MEAF6: variants seen among roughly 807,000 people sequenced by gnomAD.
The protein encoded by MEAF6 is MYST/Esa1 associated factor 6.
In MEAF6, 15 loss-of-function variants were observed where a neutral mutation model predicts 28.9. The observed-to-expected ratio is 0.52, with a 90% CI of 0.35 to 0.80. MEAF6 has a LOEUF of 0.80. MEAF6 is among the 30% of genes least tolerant of loss of function. The pLI is 0.01. For missense variants in MEAF6, 178 were observed against 237.5 expected (o/e 0.75, Z 1.65); for synonymous variants, 97 against 88.7 (o/e 1.09, Z -0.53).
At position 37,491,696 on chromosome 1, in the gene MEAF6, CAATA is replaced by C. The variant is rs57369458; in HGVS notation, c.*2399_*2402del. On this transcript the variant is annotated 3_prime_UTR_variant, in exon 7 of 7. Transcript: ENST00000296214. ...CCTGGGTGACAGAGCAAGATCCTGT[CAATA>C]AATAAATAAATAAATAAATAAATAA... is the stretch of plus-strand genomic sequence containing the variant. Among the ~76,000 whole-genome samples, 147 of 142,536 alleles carry C rather than the reference CAATA, an allele frequency of 1.0e-3. No homozygotes were observed. The highest frequency in any genetic ancestry group is 3.6e-3 in the Middle Eastern group (1 of 280). 93.5% of individuals were successfully genotyped at this position (142,536 alleles called of 152,430 possible).
Position 37,496,394 on chromosome 1 carries a change from T to C in MEAF6, c.534-476A>G, listed in dbSNP as rs1376571020. 3.9e-5 allele frequency among the ~76,000 whole-genome samples: 6 copies of C among 152,070 alleles called. No homozygotes were observed. The East Asian group carries it at 1.2e-3, about 29-fold the overall frequency. ...TTTTAAATCTTTCCAAAGCAAAATATCAAGATCTTAAGCTATTATTCTCCT... is the reference window on the plus strand; with the variant it reads ...TTTTAAATCTTTCCAAAGCAAAATACCAAGATCTTAAGCTATTATTCTCCT... On this transcript the variant is annotated intron_variant, in intron 5 of 6. Transcript: ENST00000296214.
intron 5 of MEAF6, among the ~76,000 whole-genome samples, chr1:37,498,850 T>C (rs1642204721): frequency 6.6e-6 from 1 of 152,126 alleles, no homozygotes; most frequent in South Asian, 2.1e-4. Context: ...TAAAAATTAT[T>C]TGATAAATTT....
rs1188991388 is a variant in MEAF6 at position 37,509,248 on chromosome 1, CTGA to C, written c.340+27_340+29del. 6 of 1,602,308 alleles carry C rather than the reference CTGA, an allele frequency of 3.7e-6. No homozygotes were observed. In the African/African-American group the frequency reaches 8.0e-5, roughly 21 times the overall value. On this transcript the variant is annotated intron_variant, in intron 4 of 6. Transcript: ENST00000296214. ...AGGGTGATGGTAGCTTAAAAATAAA[CTGA>C]TGAGAAACATAAAAACATCAACTTA...
In MEAF6 at chr1:37,496,035, C is replaced by G. The variant is rs557326884; in HGVS notation, c.534-117G>C. On this transcript the variant is annotated intron_variant, in intron 5 of 6. Coordinates refer to ENST00000296214, the MANE Select transcript of MEAF6 (RefSeq NM_001270875.3). ...AGACTATTTGGTTAAGAAAAATCCA[C>G]ATTCTTCATTAGACTATGTCATATT... 1.6e-4 allele frequency: 125 copies of G among 803,730 alleles called. 1 individual carries two copies. Among genetic ancestry groups the G allele is most frequent in the Middle Eastern group, 4.7e-4 (2 of 4,286 alleles). 49.8% of individuals were successfully genotyped at this position (803,730 alleles called of 1,614,324 possible). A position where few individuals can be genotyped will look rare whatever the true frequency, so the allele number is the denominator to read the frequency against.
At chr1:37,513,666 G>A (rs1415813810) in intron 1 of MEAF6, 128 bp from the exon 2 acceptor site, 3 of 741,186 alleles carry the variant, frequency 4.0e-6, no homozygotes, top group Admixed American at 4.1e-5. Context: ...CCTGTGGAGA[G>A]ATGGAAGATA....
intron 2 of MEAF6, among the ~76,000 whole-genome samples, chr1:37,511,400 C>A (rs1642666138): frequency 6.6e-6 from 1 of 152,202 alleles, no homozygotes; most frequent in South Asian, 2.1e-4. Context: ...CACTATTTTA[C>A]AACTTCCAGT....
chr1:37,491,777 C>T lies in MEAF6; in HGVS notation c.*2322G>A, dbSNP rs1247995210. On this transcript the variant is annotated 3_prime_UTR_variant, in exon 7 of 7. Coordinates refer to ENST00000296214, the MANE Select transcript of MEAF6 (RefSeq NM_001270875.3). ...CTTTTTAAGAGCAGTACTATTCTGT[C>T]TCCAGCAATGTCAAACTATGAGAGT... 1.3e-5 allele frequency among the ~76,000 whole-genome samples: 2 copies of T among 151,676 alleles called. No individual in the cohort carries two copies. The highest frequency in any genetic ancestry group is 2.9e-5 in the Non-Finnish European group (2 of 67,982).
rs1295376734 is a variant in MEAF6 at position 37,492,527 on chromosome 1, A to G, written c.*1572T>C. 6.6e-6 allele frequency: 1 copy of G among 150,722 alleles called. No homozygotes were observed. The highest frequency in any genetic ancestry group is 1.5e-5 in the Non-Finnish European group (1 of 67,718). 9.3% of individuals were successfully genotyped at this position (150,722 alleles called of 1,614,324 possible). A position where few individuals can be genotyped will look rare whatever the true frequency, so the allele number is the denominator to read the frequency against. On this transcript the variant is annotated 3_prime_UTR_variant, in exon 7 of 7. Transcript: ENST00000296214. Reference sequence around the variant, plus strand: ...ATCCTGACACTGGAGTTCTGCTACCAAAGACACAGTCAAAGATCTAAATAG... The same window carrying G: ...ATCCTGACACTGGAGTTCTGCTACCGAAGACACAGTCAAAGATCTAAATAG...
chr1:37,502,362 T>C (rs1342864793), intron 4 of MEAF6, among the ~76,000 whole-genome samples: 2 of 151,962 alleles, frequency 1.3e-5, no homozygotes, highest in East Asian at 1.9e-4. Flanking sequence ...AGGCATGAGA[T>C]ACTGTGCCTG....
chr1:37,495,997 T>C (rs1642120691), intron 5 of MEAF6, 79 bp from the exon 6 acceptor site: 2 of 1,155,030 alleles, frequency 1.7e-6, no homozygotes, highest in Non-Finnish European at 2.6e-6. Flanking sequence ...GCATAGGGCA[T>C]AAGCTATAAC....
intron 2 of MEAF6, 124 bp downstream of exon 2, chr1:37,513,299 T>C (rs529263005): frequency 1.9e-5 from 13 of 682,268 alleles, no homozygotes; most frequent in Non-Finnish European, 3.1e-5. Flanking sequence ...AGTCCAAGAG[T>C]TCAAGTCCAG....
At chr1:37,502,590 T>C in intron 4 of MEAF6, among the ~76,000 whole-genome samples, 1 of 150,376 alleles carries the variant, frequency 6.6e-6, no homozygotes, top group Admixed American at 6.7e-5. Flanking sequence ...ACCTTTAAGC[T>C]CTGTTGAACT....
chr1:37,513,915 C>A (rs1569994778), intron 1 of MEAF6: 1 of 258,250 alleles, frequency 3.9e-6, no homozygotes, highest in Non-Finnish European at 7.3e-6. Context: ...AGCCTTTCAG[C>A]GTCAACTCGC....
chr1:37,509,482 G>A lies in MEAF6; in HGVS notation c.267C>T (p.Phe89=). Residue 89 remains phenylalanine, a synonymous_variant, in exon 3 of 7, where the codon TTC becomes TTT. Coordinates refer to ENST00000296214, the MANE Select transcript of MEAF6 (RefSeq NM_001270875.3). The stretch of plus-strand genomic sequence containing the variant: ...CTGCTGAGGTAACCGAGGATTTACT[G>A]AAGAGCCGCTCAGCTTCCTTAAACT... ...NRKFKEAERL[F]SKSSVTSAAA... 6.2e-7 allele frequency: 1 copy of A among 1,614,106 alleles called. No individual in the cohort carries two copies. The highest frequency in any genetic ancestry group is 1.7e-5 in the Admixed American group (1 of 60,004).
intron 5 of MEAF6, among the ~76,000 whole-genome samples, chr1:37,497,893 G>A (rs1375456989): frequency 6.6e-6 from 1 of 152,116 alleles, no homozygotes; most frequent in Admixed American, 6.5e-5. Context: ...CACCCAGCCT[G>A]CAGCACCCCT....
At chr1:37,495,684 C>CAAAAAAAAAAAAAAAA (rs376230589) in intron 6 of MEAF6, among the ~76,000 whole-genome samples, 4 of 70,524 alleles carry the variant, frequency 5.7e-5, no homozygotes, top group East Asian at 8.7e-4. Flanking sequence ...AACTGTCTCT[C>CAAAAAAAAAAAAAAAA]AAAAAAAAAA....
At chr1:37,511,555 C>T (rs1642671615) in intron 2 of MEAF6, among the ~76,000 whole-genome samples, 1 of 152,166 alleles carries the variant, frequency 6.6e-6, no homozygotes, top group Non-Finnish European at 1.5e-5. Flanking sequence ...ACTTTTATAG[C>T]AGATAAATCA....
rs986405272 is a variant in MEAF6, at chr1:37,513,535, T to C, written c.94A>G (p.Thr32Ala). Reference sequence around the variant, plus strand: ...ATCTGTCGCTCCAAATTTGCCAATGTTTCCTGAGAGATGAAAAACAAGGAC... The same window carrying C: ...ATCTGTCGCTCCAAATTTGCCAATGCTTCCTGAGAGATGAAAAACAAGGAC... ...LVKRKQELAE[T>A]LANLERQIYA... Residue 32 changes from threonine to alanine, a missense_variant, in exon 2 of 7, where the codon ACA becomes GCA. Transcript: ENST00000296214. The C allele has an allele frequency of 6.2e-7, 1 of 1,612,132 alleles. No homozygotes were observed. The highest frequency in any genetic ancestry group is 8.5e-7 in the Non-Finnish European group (1 of 1,178,100).
chr1:37,496,723 A>C (rs1557604473), intron 5 of MEAF6: 5 of 1,603,612 alleles, frequency 3.1e-6, no homozygotes, highest in Non-Finnish European at 1.7e-6. Flanking sequence ...TCATAATCAA[A>C]CATGCCAGAC....
Sources: gnomAD v4.1 joint callset for allele counts (sites outside exome capture counted in the v4.1 genomes callset) on GRCh38, gnomAD v4.1.1 for gene constraint, MANE v1.5 for transcripts, NCBI Gene and HGNC (gene_info 2026-07-23, HGNC 2026-07-21) for gene names.